Variants in PTPRD observed in about 807,000 individuals in gnomAD.
The protein encoded by PTPRD is receptor-type tyrosine-protein phosphatase delta.
Under a neutral mutation model 214.5 loss-of-function variants are expected in PTPRD, and 34 were observed. The observed-to-expected ratio is 0.16, with a 90% CI of 0.12 to 0.21. The LOEUF (loss-of-function observed/expected upper bound fraction) is 0.21, where lower values mean the gene tolerates loss of function less well. Ranked by LOEUF, PTPRD falls within the 10% of genes least tolerant of loss-of-function variation. The pLI is 1.00. For synonymous variants in PTPRD, 1,128 were observed against 845.7 expected (o/e 1.33, Z -5.79); for missense variants, 2,545 against 2,398.7 (o/e 1.06, Z -1.27).
chr9:10,251,459 G>T (rs890274405), intron 3 of PTPRD, among the ~76,000 whole-genome samples: 1 of 151,266 alleles, frequency 6.6e-6, no homozygotes, highest in African/African-American at 2.4e-5. Context: ...TTAAGAGTTG[G>T]GCTCTGTATC....
At chr9:9,429,839 C>A (rs2082382725) in intron 8 of PTPRD, among the ~76,000 whole-genome samples, 1 of 151,306 alleles carries the variant, frequency 6.6e-6, no homozygotes, top group South Asian at 2.1e-4. Context: ...AGGCCTTTGA[C>A]AAAATTCAAC....
intron 9 of PTPRD, among the ~76,000 whole-genome samples, chr9:9,220,438 C>A (rs1438896347): frequency 6.6e-6 from 1 of 151,814 alleles, no homozygotes; most frequent in Non-Finnish European, 1.5e-5. Context: ...TAAGTTAGCC[C>A]AAACATATTT....
intron 12 of PTPRD, among the ~76,000 whole-genome samples, chr9:8,668,834 A>C (rs770025172): frequency 6.6e-6 from 1 of 152,222 alleles, no homozygotes; most frequent in Non-Finnish European, 1.5e-5. Flanking sequence ...AAAAGTGCAA[A>C]GTATTCCAAA....
chr9:10,480,818 A>G (rs894029153), intron 2 of PTPRD, among the ~76,000 whole-genome samples: 2 of 151,408 alleles, frequency 1.3e-5, no homozygotes, highest in African/African-American at 2.4e-5. Context: ...CAAAATTGAG[A>G]AAAAAAAACT....
intron 2 of PTPRD, among the ~76,000 whole-genome samples, chr9:10,518,012 C>T (rs1046315577): frequency 9.9e-5 from 15 of 152,058 alleles, no homozygotes; most frequent in Admixed American, 9.8e-4. Flanking sequence ...TAAATATATA[C>T]AGGTATAAAT....
intron 4 of PTPRD, among the ~76,000 whole-genome samples, chr9:9,946,600 T>G (rs1053712417): frequency 1.3e-5 from 2 of 152,050 alleles, no homozygotes; most frequent in Non-Finnish European, 2.9e-5. Context: ...GGAAACATAT[T>G]CTTTCCTTAC....
intron 3 of PTPRD, among the ~76,000 whole-genome samples, chr9:10,182,245 G>A (rs1306718328): frequency 2.7e-5 from 3 of 109,498 alleles, no homozygotes; most frequent in African/African-American, 1.4e-4. Flanking sequence ...GGGCAGCACA[G>A]TGAGACTCTG....
At chr9:8,590,967 T>C (rs1288536338) in intron 14 of PTPRD, among the ~76,000 whole-genome samples, 1 of 152,130 alleles carries the variant, frequency 6.6e-6, no homozygotes, top group Non-Finnish European at 1.5e-5. Context: ...ATGGAGGCTA[T>C]AGGGGAGAAT....
At chr9:10,386,656 C>T (rs1586875702) in intron 2 of PTPRD, among the ~76,000 whole-genome samples, 1 of 35,262 alleles carries the variant, frequency 2.8e-5, no homozygotes, top group Non-Finnish European at 5.5e-5. Context: ...GCCCAAAGAC[C>T]AAAAAAACAA....
intron 30 of PTPRD, among the ~76,000 whole-genome samples, chr9:8,483,791 A>G (rs544270829): frequency 3.6e-4 from 50 of 139,874 alleles, no homozygotes; most frequent in African/African-American, 1.3e-3. Context: ...AACAAAAACA[A>G]AAACAAAAAC....
intron 11 of PTPRD, among the ~76,000 whole-genome samples, chr9:8,925,916 G>A (rs1384923290): frequency 7.8e-6 from 1 of 128,252 alleles, no homozygotes; most frequent in African/African-American, 2.9e-5. Flanking sequence ...TATTAATTAA[G>A]TACATTTTCC....
intron 6 of PTPRD, among the ~76,000 whole-genome samples, chr9:9,748,269 G>C (rs1311617116): frequency 6.6e-6 from 1 of 151,974 alleles, no homozygotes; most frequent in Non-Finnish European, 1.5e-5. Flanking sequence ...TTTAAACAGT[G>C]GGATCCTACA....
chr9:8,505,485 G>A (rs1299419065), intron 22 of PTPRD, among the ~76,000 whole-genome samples: 1 of 151,814 alleles, frequency 6.6e-6, no homozygotes, highest in East Asian at 1.9e-4. Flanking sequence ...AGCCGGGTGT[G>A]GTGGTGGGCG....
intron 10 of PTPRD, among the ~76,000 whole-genome samples, chr9:9,140,361 C>T (rs1569551982): frequency 6.6e-6 from 1 of 152,188 alleles, no homozygotes; most frequent in East Asian, 1.9e-4. Context: ...ATTTAAATCC[C>T]CACTATTTTT....
intron 33 of PTPRD, among the ~76,000 whole-genome samples, chr9:8,457,305 T>C (rs2096244552): frequency 6.6e-6 from 1 of 152,108 alleles, no homozygotes; most frequent in South Asian, 2.1e-4. Flanking sequence ...CTATCTTATC[T>C]CTGGAATGTG....
At chr9:9,595,709 C>G (rs887089008) in intron 7 of PTPRD, among the ~76,000 whole-genome samples, 1 of 151,668 alleles carries the variant, frequency 6.6e-6, no homozygotes, top group Non-Finnish European at 1.5e-5. Context: ...AACCAAACAT[C>G]GCATGTTCTC....
At chr9:9,634,070 G>A (rs2095677946) in intron 7 of PTPRD, among the ~76,000 whole-genome samples, 1 of 151,972 alleles carries the variant, frequency 6.6e-6, no homozygotes, top group South Asian at 2.1e-4. Flanking sequence ...ACTTAAAAAT[G>A]GTATATAATA....
intron 11 of PTPRD, among the ~76,000 whole-genome samples, chr9:8,752,922 C>T (rs1481981289): frequency 6.6e-6 from 1 of 152,188 alleles, no homozygotes; most frequent in African/African-American, 2.4e-5. Context: ...ACATCAAAAG[C>T]TGACAATACA....
chr9:10,389,613 C>A (rs1478857498), intron 2 of PTPRD, among the ~76,000 whole-genome samples: 2 of 151,680 alleles, frequency 1.3e-5, no homozygotes, highest in African/African-American at 4.8e-5. Context: ...ATCTGTAATG[C>A]AGATAAATAA....
Sources: gnomAD v4.1 joint callset for allele counts (sites outside exome capture counted in the v4.1 genomes callset) on GRCh38, gnomAD v4.1.1 for gene constraint, MANE v1.5 for transcripts, NCBI Gene and HGNC (gene_info 2026-07-23, HGNC 2026-07-21) for gene names.